KIRREL3: variants seen among roughly 807,000 people sequenced by gnomAD.
KIRREL3 encodes kin of IRRE-like protein 3.
Under a neutral mutation model 89.7 loss-of-function variants are expected in KIRREL3, and 36 were observed. The ratio of observed to expected loss-of-function variants is 0.40; its 90% CI spans 0.31 to 0.53. KIRREL3 has a LOEUF of 0.53. Ranked by LOEUF, KIRREL3 falls within the 20% of genes least tolerant of loss-of-function variation. The pLI is 0.49. For synonymous variants in KIRREL3, 445 were observed against 441.4 expected (o/e 1.01, Z -0.10); for missense variants, 864 against 1,056.6 (o/e 0.82, Z 2.53).
Position 126,601,993 on chromosome 11 carries a change from G to T in KIRREL3, c.56-39081C>A, listed in dbSNP as rs150485978. On this transcript the variant is annotated intron_variant, in intron 1 of 16. Transcript: ENST00000525144. This position sits in a 1 kb window ranked among gnomAD's most constrained non-coding sequence, Gnocchi z 5.8. ...CCTGACAGAGTCACAGAAGCTGACC[G>T]CTGCGAGGCAGGGGCTGCGGCCTTT... is the stretch of plus-strand genomic sequence containing the variant. Among the ~76,000 whole-genome samples the T allele has an allele frequency of 6.8e-4, 103 of 152,318 alleles. No homozygotes were observed. Among genetic ancestry groups the T allele is most frequent in the African/African-American group, 2.4e-3 (99 of 41,578 alleles).
intron 7 of KIRREL3, among the ~76,000 whole-genome samples, chr11:126,451,696 G>A (rs1956178388): frequency 6.6e-6 from 1 of 152,154 alleles, no homozygotes; most frequent in South Asian, 2.1e-4. Context: ...GTGTGCACGT[G>A]TGAGTGTGTG....
At position 126,881,307 on chromosome 11, in the gene KIRREL3, T is replaced by C. The variant is rs141622250; in HGVS notation, c.55+119148A>G. 2.2e-4 allele frequency among the ~76,000 whole-genome samples: 34 copies of C among 152,212 alleles called. No homozygotes were observed. In the East Asian group the frequency reaches 5.6e-3, roughly 25 times the overall value. ...TGGGGCCAGCAGACCCCATTCCCTCTCCCCACGTTCCTTCAGATCAGTGCC... is the reference window on the plus strand; with the variant it reads ...TGGGGCCAGCAGACCCCATTCCCTCCCCCCACGTTCCTTCAGATCAGTGCC... On this transcript the variant is annotated intron_variant, in intron 1 of 16. Transcript: ENST00000525144.
Position 126,431,643 on chromosome 11 carries a change from T to C in KIRREL3, c.1589-117A>G. On this transcript the variant is annotated intron_variant, in intron 13 of 16. Transcript: ENST00000525144. The surrounding 1 kb of genome is among the most constrained non-coding windows in gnomAD (Gnocchi z 7.1). ...TGCCACATGGGGCCCTCCTGGGAAA[T>C]GCCTCAGTGGGGCCTGGGCAGGCAC... 9.7e-7 allele frequency: 1 copy of C among 1,029,702 alleles called. No homozygotes were observed. The highest frequency in any genetic ancestry group is 1.4e-6 in the Non-Finnish European group (1 of 700,540). The allele number at this position is 1,029,702 out of a possible 1,614,324, so 63.8% of individuals were successfully genotyped here.
chr11:126,853,770 C>T (rs1050220447), intron 1 of KIRREL3, among the ~76,000 whole-genome samples: 10 of 151,972 alleles, frequency 6.6e-5, no homozygotes, highest in Admixed American at 1.3e-4. Context: ...CTTCCTTGAC[C>T]TCCTTTCAAG....
Position 126,752,543 on chromosome 11 carries a change from T to G in KIRREL3, c.56-189631A>C. 6.6e-6 allele frequency among the ~76,000 whole-genome samples: 1 copy of G among 152,202 alleles called. No individual in the cohort carries two copies. Among genetic ancestry groups the G allele is most frequent in the East Asian group, 1.9e-4 (1 of 5,200 alleles). On this transcript the variant is annotated intron_variant, in intron 1 of 16. Coordinates refer to ENST00000525144, the MANE Select transcript of KIRREL3 (RefSeq NM_032531.4). This position sits in a 1 kb window ranked among gnomAD's most constrained non-coding sequence, Gnocchi z 4.8. ...GTTGTTCTTGAAAACTGATGCAGAATTAGAGAATACTTAACTCTCTCAAGT... is the reference window on the plus strand; with the variant it reads ...GTTGTTCTTGAAAACTGATGCAGAAGTAGAGAATACTTAACTCTCTCAAGT...
intron 4 of KIRREL3, among the ~76,000 whole-genome samples, chr11:126,499,658 G>C (rs1160769914): frequency 6.6e-6 from 1 of 152,190 alleles, no homozygotes; most frequent in Non-Finnish European, 1.5e-5. Context: ...GGGCAGGGTG[G>C]GCGTCTATCT....
At chr11:126,784,155 C>T (rs1950411740) in intron 1 of KIRREL3, among the ~76,000 whole-genome samples, 1 of 152,130 alleles carries the variant, frequency 6.6e-6, no homozygotes, top group Admixed American at 6.5e-5. Context: ...ATGTGGTATC[C>T]TGGATGAGCC....
chr11:126,737,716 T>G (rs974676745), intron 1 of KIRREL3, among the ~76,000 whole-genome samples: 1 of 152,208 alleles, frequency 6.6e-6, no homozygotes, highest in Admixed American at 6.5e-5. Context: ...TTCGGTTTCT[T>G]AATTCTAAAT....
rs61710829 is a variant in KIRREL3 at position 126,696,662 on chromosome 11, C to T, written c.56-133750G>A. On this transcript the variant is annotated intron_variant, in intron 1 of 16. Coordinates refer to ENST00000525144, the MANE Select transcript of KIRREL3 (RefSeq NM_032531.4). This position sits in a 1 kb window ranked among gnomAD's most constrained non-coding sequence, Gnocchi z 4.4. ...ACAGTACCGAAAGGGTGGCTCAAACCACATCGCATGGCTCATAAGGCCCTT... is the reference window on the plus strand; with the variant it reads ...ACAGTACCGAAAGGGTGGCTCAAACTACATCGCATGGCTCATAAGGCCCTT... 6.6e-6 allele frequency among the ~76,000 whole-genome samples: 1 copy of T among 152,026 alleles called. No individual in the cohort carries two copies. The highest frequency in any genetic ancestry group is 2.1e-4 in the South Asian group (1 of 4,822).
chr11:126,737,149 T>C (rs1948828282), intron 1 of KIRREL3, among the ~76,000 whole-genome samples: 1 of 152,144 alleles, frequency 6.6e-6, no homozygotes, highest in African/African-American at 2.4e-5. Context: ...AAAATGAATG[T>C]GTCCCCTGAT....
chr11:126,440,626 G>A, intron 10 of KIRREL3, 77 bp from the exon 11 acceptor site: 1 of 1,251,982 alleles, frequency 8.0e-7, no homozygotes, highest in Non-Finnish European at 1.1e-6. Context: ...GGGTTCAGAA[G>A]TGTATTCATT....
chr11:127,002,132 C>T (rs924895283), upstream of KIRREL3, among the ~76,000 whole-genome samples: 17 of 152,146 alleles, frequency 1.1e-4, no homozygotes, highest in Non-Finnish European at 2.5e-4. Context: ...AAAAAATTAT[C>T]CCTTGGTATT....
At chr11:126,590,062 G>T (rs1346617592) in intron 1 of KIRREL3, among the ~76,000 whole-genome samples, 2 of 152,196 alleles carry the variant, frequency 1.3e-5, no homozygotes, top group African/African-American at 2.4e-5. Context: ...GGCTTTCATT[G>T]TTGAGCATTT....
chr11:126,517,128 G>GAGAGAA, intron 4 of KIRREL3, among the ~76,000 whole-genome samples: 1 of 117,498 alleles, frequency 8.5e-6, no homozygotes, highest in Non-Finnish European at 1.7e-5. Flanking sequence ...TTGAGAGAGA[G>GAGAGAA]AGAGAGAAAG....
rs746512995 is a variant in KIRREL3, at chr11:126,575,554, T to G, written c.56-12642A>C. On this transcript the variant is annotated intron_variant, in intron 1 of 16. Coordinates refer to ENST00000525144, the MANE Select transcript of KIRREL3 (RefSeq NM_032531.4). This position sits in a 1 kb window ranked among gnomAD's most constrained non-coding sequence, Gnocchi z 7.0. ...TATAAATGGTACTTACTTATAAATA[T>G]AATATATTATTAGAAAGTACAGGGG... Among the ~76,000 whole-genome samples, 1 of 152,172 alleles carries G rather than the reference T, an allele frequency of 6.6e-6. No homozygotes were observed. Among genetic ancestry groups the G allele is most frequent in the East Asian group, 1.9e-4 (1 of 5,200 alleles).
intron 1 of KIRREL3, among the ~76,000 whole-genome samples, chr11:126,600,923 A>G (rs1471057302): frequency 6.6e-6 from 1 of 152,202 alleles, no homozygotes; most frequent in East Asian, 1.9e-4. Flanking sequence ...ATATCAGAGC[A>G]TTCTATTTTA....
Position 126,772,309 on chromosome 11 carries a change from C to G in KIRREL3, c.56-209397G>C, listed in dbSNP as rs1307123835. On this transcript the variant is annotated intron_variant, in intron 1 of 16. Coordinates refer to ENST00000525144, the MANE Select transcript of KIRREL3 (RefSeq NM_032531.4). This position sits in a 1 kb window ranked among gnomAD's most constrained non-coding sequence, Gnocchi z 4.6. ...GGGTCAATGTTTGTAAGACCAGACT[C>G]TTAAATTCAAGGCAGCTAAGACCGG... Among the ~76,000 whole-genome samples the G allele has an allele frequency of 6.6e-6, 1 of 152,176 alleles. No individual in the cohort carries two copies. Among genetic ancestry groups the G allele is most frequent in the Non-Finnish European group, 1.5e-5 (1 of 68,028 alleles).
intron 1 of KIRREL3, among the ~76,000 whole-genome samples, chr11:126,820,385 A>G (rs1943169537): frequency 6.6e-6 from 1 of 152,206 alleles, no homozygotes; most frequent in Non-Finnish European, 1.5e-5. Flanking sequence ...ATACACGCAT[A>G]GAAGATCTGT....
In KIRREL3 at chr11:126,843,893, T is replaced by C. The variant is rs1461375950; in HGVS notation, c.55+156562A>G. 1.3e-5 allele frequency among the ~76,000 whole-genome samples: 2 copies of C among 152,172 alleles called. No homozygotes were observed. ...CATCAGAAAGTTACCCTACCTGGGC[T>C]CAAAAGGGGAGGCATGAATAATCCC... On this transcript the variant is annotated intron_variant, in intron 1 of 16. Coordinates refer to ENST00000525144, the MANE Select transcript of KIRREL3 (RefSeq NM_032531.4). This position sits in a 1 kb window ranked among gnomAD's most constrained non-coding sequence, Gnocchi z 4.6.
Sources: allele counts gnomAD v4.1 joint callset (sites outside exome capture counted in the v4.1 genomes callset), GRCh38; gene constraint gnomAD v4.1.1; non-coding constraint Gnocchi (gnomAD v3.1); transcripts MANE v1.5; gene names NCBI Gene and HGNC (gene_info 2026-07-23, HGNC 2026-07-21).